Variants in MGAT4C observed in about 807,000 individuals in gnomAD.
The protein encoded by MGAT4C is alpha-1,3-mannosyl-glycoprotein 4-beta-N-acetylglucosaminyltransferase C.
A neutral mutation model predicts 40.1 loss-of-function variants in MGAT4C; 19 were observed. The observed-to-expected ratio is 0.47, with a 90% confidence interval of 0.33 to 0.70. MGAT4C has a LOEUF of 0.70. Ranked by LOEUF, MGAT4C falls within the 30% of genes least tolerant of loss-of-function variation. MGAT4C has a pLI of 0.02. For missense variants in MGAT4C, 491 were observed against 563.2 expected, an observed-to-expected ratio of 0.87 and a Z score of 1.30; for synonymous variants, 181 against 187.1, an observed-to-expected ratio of 0.97 and a Z score of 0.27.
intron 2 of MGAT4C, among the ~76,000 whole-genome samples, chr12:86,712,710 C>T (rs1347132029): frequency 5.3e-5 from 8 of 152,162 alleles, no homozygotes; most frequent in Non-Finnish European, 1.0e-4. Context: ...AGGTGAGAAT[C>T]GAGTAGCCAG....
In MGAT4C at chr12:86,494,162, T is replaced by C. The variant is rs548690438; in HGVS notation, c.-228-58897A>G. ...CCCTTTTCTGAGTATAGTTTTACAA[T>C]ATATTCTTTCAGAAAGCTTGCAATT... On this transcript the variant is annotated intron_variant, in intron 2 of 7. Coordinates refer to the MGAT4C transcript ENST00000548651. Among the ~76,000 whole-genome samples the C allele has an allele frequency of 9.2e-5, 14 of 152,178 alleles. No individual in the cohort carries two copies. The South Asian group carries it at 2.9e-3, about 32-fold the overall frequency.
At position 85,960,241 on chromosome 12, in the gene MGAT4C, C is replaced by A. The variant is rs1043154410; in HGVS notation, c.*19048G>T. On this transcript the variant is annotated 3_prime_UTR_variant, in exon 5 of 5. Transcript: ENST00000611864. ...TTTTCATCAAACGTCTTTGTCTTAT[C>A]CCCTTGTTATACAGACAAAGATGAC... 2 of 151,974 alleles carry A rather than the reference C, an allele frequency of 1.3e-5. No homozygotes were observed. The highest frequency in any genetic ancestry group is 4.8e-5 in the African/African-American group (2 of 41,412). The allele number at this position is 151,974 out of a possible 1,614,324, so 9.4% of individuals were successfully genotyped here. A position where few individuals can be genotyped will look rare whatever the true frequency, so the allele number is the denominator to read the frequency against.
intron 2 of MGAT4C, among the ~76,000 whole-genome samples, chr12:86,550,228 T>C (rs1279683466): frequency 1.3e-5 from 2 of 152,206 alleles, no homozygotes; most frequent in Non-Finnish European, 2.9e-5. Flanking sequence ...TGTGAGTCAA[T>C]TAAACCTCTT....
chr12:86,249,005 A>G (rs1952157664), intron 1 of MGAT4C, among the ~76,000 whole-genome samples: 1 of 152,150 alleles, frequency 6.6e-6, no homozygotes, highest in African/African-American at 2.4e-5. Context: ...CACAATGCTT[A>G]TTGTTTTCTT....
At chr12:86,217,517 T>C (rs940514570) in intron 1 of MGAT4C, among the ~76,000 whole-genome samples, 2 of 152,174 alleles carry the variant, frequency 1.3e-5, no homozygotes, top group African/African-American at 4.8e-5. Flanking sequence ...TTGTGCCACA[T>C]TGATAAATTG....
chr12:86,499,543 T>C (rs78096493), intron 2 of MGAT4C, among the ~76,000 whole-genome samples: 40,013 of 150,902 alleles, frequency 0.27, 6,505 homozygotes, highest in South Asian at 0.39. Flanking sequence ...CAATCGTCTC[T>C]TTTTTTTTAA....
rs1298671214 is a variant in MGAT4C, at chr12:86,408,495, A to C, written c.-120+26662T>G. ...TCTCTCTCTCTATATATATATATAT[A>C]TATATATATATATATATATTCTTGC... is the stretch of plus-strand genomic sequence containing the variant. On this transcript the variant is annotated intron_variant, in intron 3 of 7. Transcript: ENST00000548651. 9.1e-4 allele frequency among the ~76,000 whole-genome samples: 126 copies of C among 137,716 alleles called. 1 individual carries two copies. Among genetic ancestry groups the C allele is most frequent in the South Asian group, 1.1e-3 (5 of 4,362 alleles). 90.3% of individuals were successfully genotyped at this position (137,716 alleles called of 152,430 possible).
intron 2 of MGAT4C, among the ~76,000 whole-genome samples, chr12:86,512,393 C>A (rs1466845354): frequency 6.6e-6 from 1 of 152,126 alleles, no homozygotes; most frequent in Admixed American, 6.6e-5. Flanking sequence ...TATGATCCAA[C>A]ATCCTACTTC....
At chr12:86,318,401 T>C (rs1228508424) in intron 4 of MGAT4C, among the ~76,000 whole-genome samples, 1 of 152,212 alleles carries the variant, frequency 6.6e-6, no homozygotes, top group Non-Finnish European at 1.5e-5. Context: ...TGCTCCCTGA[T>C]GTCTGGCAAT....
chr12:86,032,214 C>T (rs1890821087), intron 2 of MGAT4C, among the ~76,000 whole-genome samples: 1 of 151,740 alleles, frequency 6.6e-6, no homozygotes, highest in Admixed American at 6.6e-5. Flanking sequence ...GAGAACAGTG[C>T]CACAATGAAT....
chr12:86,423,593 T>C (rs1321201641), intron 3 of MGAT4C, among the ~76,000 whole-genome samples: 2 of 152,044 alleles, frequency 1.3e-5, no homozygotes, highest in Non-Finnish European at 2.9e-5. Context: ...GGGAATATAG[T>C]GTAATAATTG....
chr12:86,217,230 AG>A (rs1362833403), intron 1 of MGAT4C, among the ~76,000 whole-genome samples: 1 of 152,172 alleles, frequency 6.6e-6, no homozygotes, highest in Non-Finnish European at 1.5e-5. Context: ...ACTGGAGTGC[AG>A]TGGCACAATC....
At chr12:86,231,641 T>C (rs1379332015) in intron 1 of MGAT4C, among the ~76,000 whole-genome samples, 1 of 152,198 alleles carries the variant, frequency 6.6e-6, no homozygotes, top group African/African-American at 2.4e-5. Flanking sequence ...ATACAGGGTA[T>C]TTATTCCTCT....
intron 2 of MGAT4C, among the ~76,000 whole-genome samples, chr12:86,567,722 T>C (rs1419301640): frequency 6.6e-6 from 1 of 152,182 alleles, no homozygotes; most frequent in Non-Finnish European, 1.5e-5. Context: ...AAGGTGGTCA[T>C]CAATACCAGC....
intron 1 of MGAT4C, among the ~76,000 whole-genome samples, chr12:86,751,470 A>T: frequency 6.6e-6 from 1 of 152,088 alleles, no homozygotes; most frequent in East Asian, 1.9e-4. Flanking sequence ...ACAAGTAAAA[A>T]CTATTGAAAT....
intron 1 of MGAT4C, among the ~76,000 whole-genome samples, chr12:86,094,653 G>A (rs867184569): frequency 3.3e-5 from 5 of 152,140 alleles, no homozygotes; most frequent in Non-Finnish European, 5.9e-5. Flanking sequence ...ACAAAGATAT[G>A]TTTTCATTAA....
At chr12:86,668,103 G>T (rs1964160450) in intron 2 of MGAT4C, among the ~76,000 whole-genome samples, 1 of 152,090 alleles carries the variant, frequency 6.6e-6, no homozygotes, top group Non-Finnish European at 1.5e-5. Flanking sequence ...CTATATCTTT[G>T]TATCATGATC....
At chr12:86,513,628 G>A (rs1385653601) in intron 2 of MGAT4C, among the ~76,000 whole-genome samples, 1 of 151,998 alleles carries the variant, frequency 6.6e-6, no homozygotes, top group African/African-American at 2.4e-5. Flanking sequence ...GTCTGTATGG[G>A]AAAAAAATGA....
intron 2 of MGAT4C, among the ~76,000 whole-genome samples, chr12:86,696,948 GCTCTCC>G (rs1158361249): frequency 6.6e-6 from 1 of 151,580 alleles, no homozygotes; most frequent in Non-Finnish European, 1.5e-5. Context: ...CCTAACAAGT[GCTCTCC>G]CTCTGTCTTT....
Sources: allele counts gnomAD v4.1 joint callset (sites outside exome capture counted in the v4.1 genomes callset), GRCh38; gene constraint gnomAD v4.1.1; transcripts MANE v1.5; gene names NCBI Gene and HGNC (gene_info 2026-07-23, HGNC 2026-07-21).